The following MACF1 variants were observed in gnomAD, a reference collection of about 807,000 sequenced individuals.
MACF1 encodes microtubule actin crosslinking factor 1, also known as microtubule-actin cross-linking factor 1.
A neutral mutation model predicts 854.8 loss-of-function variants in MACF1; 193 were observed. That is an observed-to-expected ratio of 0.23 (90% CI 0.20 to 0.25). The LOEUF is 0.25. MACF1 is among the 10% of genes least tolerant of loss of function. MACF1 has a pLI of 1.00. For synonymous variants in MACF1, 3,185 were observed against 3,226.7 expected (o/e 0.99, Z 0.44); for missense variants, 7,722 against 8,929.1 (o/e 0.86, Z 5.45).
intron 2 of MACF1, among the ~76,000 whole-genome samples, chr1:39,139,941 T>C (rs1007518851): frequency 3.9e-5 from 4 of 102,898 alleles, no homozygotes; most frequent in African/African-American, 7.5e-5. Flanking sequence ...TAATTAGAAC[T>C]AAATCTTTTT....
In MACF1 at chr1:39,300,237, A is replaced by G; in HGVS notation, c.2509A>G (p.Lys837Glu). Residue 837 changes from lysine (K) to glutamate (E), a missense_variant, in exon 22 of 101, where the codon AAG becomes GAG. Lys to Glu is a moderately conservative substitution (Grantham distance 56, BLOSUM62 1). Coordinates refer to ENST00000564288, the MANE Select transcript of MACF1 (RefSeq NM_001394062.1). ...MDEKEQLIQS[K>E]SSVASLVGRS... ...TGAAAAGGAGCAGCTTATACAGTCC[A>G]AGAGTTCCGTTGCCAGTCTCGTTGG... 1 of 1,613,992 alleles carries G rather than the reference A, an allele frequency of 6.2e-7. No homozygotes were observed. The highest frequency in any genetic ancestry group is 8.5e-7 in the Non-Finnish European group (1 of 1,179,988).
At chr1:39,323,686 TTCTG>T (rs1029742231) in intron 33 of MACF1, among the ~76,000 whole-genome samples, 1 of 152,252 alleles carries the variant, frequency 6.6e-6, no homozygotes, top group Admixed American at 6.5e-5. Context: ...TGTAAAAATC[TTCTG>T]TCTTTGTAAA....
At position 39,277,301 on chromosome 1, in the gene MACF1, T is replaced by C. The variant is rs376198774; in HGVS notation, c.529-4907T>C. Among the ~76,000 whole-genome samples the C allele has an allele frequency of 2.0e-4, 31 of 152,312 alleles. 1 individual carries two copies. The South Asian group carries it at 3.1e-3, about 15-fold the overall frequency. ...AGACAGTATTTTCTAGAAAATTCAC[T>C]AAAAAGATAGCTTTATTGAAGGAAA... On this transcript the variant is annotated intron_variant, in intron 6 of 100. Transcript: ENST00000564288.
intron 70 of MACF1, 149 bp from the exon 71 acceptor site, chr1:39,437,627 AC>A (rs2148660002): frequency 1.4e-6 from 1 of 724,852 alleles, no homozygotes; most frequent in East Asian, 2.8e-5. Flanking sequence ...CAGTTTCTTA[AC>A]CAAACTCAAC....
rs370835278 is a variant in MACF1 at position 39,335,354 on chromosome 1, T to C, written c.8766T>C (p.His2922=). 1.2e-6 allele frequency: 2 copies of C among 1,613,628 alleles called. No homozygotes were observed. The highest frequency in any genetic ancestry group is 2.7e-5 in the African/African-American group (2 of 74,908). ...KAVTKIEIIS[H]MKQSTSCLDS... ...TGACAAAAATAGAAATTATTTCTCA[T>C]ATGAAGCAGTCTACCTCATGTCTAG... Residue 2922 remains histidine, a synonymous_variant, in exon 37 of 101, where the codon CAT becomes CAC. Coordinates refer to ENST00000564288, the MANE Select transcript of MACF1 (RefSeq NM_001394062.1).
intron 1 of MACF1, among the ~76,000 whole-genome samples, chr1:39,218,664 T>C (rs1644609032): frequency 6.6e-6 from 1 of 152,242 alleles, no homozygotes; most frequent in Admixed American, 6.5e-5. Context: ...TTTGTTACCG[T>C]GCTTACCCCT....
At chr1:39,127,268 G>T (rs1213334982) in intron 2 of MACF1, among the ~76,000 whole-genome samples, 1 of 152,198 alleles carries the variant, frequency 6.6e-6, no homozygotes, top group Non-Finnish European at 1.5e-5. Context: ...TCTGCATTTT[G>T]ATTTTTGGCA....
chr1:39,117,039 G>T (rs1237484479), intron 2 of MACF1, among the ~76,000 whole-genome samples: 1 of 152,160 alleles, frequency 6.6e-6, no homozygotes, highest in Non-Finnish European at 1.5e-5. Context: ...GGAAAATGCA[G>T]CCTCCTTCTT....
At position 39,248,250 on chromosome 1, in the gene MACF1, C is replaced by T. The variant is rs76778094; in HGVS notation, c.172-1764C>T. Among the ~76,000 whole-genome samples, 1,012 of 152,222 alleles carry T rather than the reference C, an allele frequency of 6.6e-3. 10 individuals are homozygous for T. Among genetic ancestry groups the T allele is most frequent in the African/African-American group, 0.018 (740 of 41,540 alleles). On this transcript the variant is annotated intron_variant, in intron 2 of 100. Transcript: ENST00000564288. ...TCCCGTTTCTTCGAGGAAGTCTTTA[C>T]GTATGTTTCCATTCTTTATCTTGTC...
At chr1:39,479,772 T>A in intron 97 of MACF1, 26 bp from the exon 98 acceptor site, 1 of 1,581,060 alleles carries the variant, frequency 6.3e-7, no homozygotes, top group Non-Finnish European at 8.7e-7. Flanking sequence ...GAACTGACAT[T>A]GTGTGTGTGT....
rs373353949 is a variant in MACF1, at chr1:39,448,605, G to T, written c.20100G>T (p.Lys6700Asn). 1 of 1,525,992 alleles carries T rather than the reference G, an allele frequency of 6.6e-7. No individual in the cohort carries two copies. The highest frequency in any genetic ancestry group is 2.3e-5 in the East Asian group (1 of 43,284). 94.5% of individuals were successfully genotyped at this position (1,525,992 alleles called of 1,614,324 possible). A position where few individuals can be genotyped will look rare whatever the true frequency, so the allele number is the denominator to read the frequency against. Residue 6700 changes from lysine to asparagine, a missense_variant, in exon 84 of 101, where the codon AAG (lysine) becomes AAT (asparagine). Lys to Asn is a moderately conservative substitution (Grantham distance 94). Transcript: ENST00000564288. ...LQLSKHKEFQ[K>N]TLGGKQPVYD... ...TTCTGGAAACATAGGAGTTTCAGAA[G>T]ACTCTTGGTGGCAAGCAGCCTGTGT...
intron 2 of MACF1, among the ~76,000 whole-genome samples, chr1:39,148,789 T>A (rs772242512): frequency 6.6e-6 from 1 of 152,228 alleles, no homozygotes; most frequent in Non-Finnish European, 1.5e-5. Context: ...AACTGTATTT[T>A]TAAAAAGATA....
intron 6 of MACF1, among the ~76,000 whole-genome samples, chr1:39,260,914 T>C (rs866207954): frequency 5.3e-5 from 8 of 152,158 alleles, no homozygotes; most frequent in Non-Finnish European, 1.2e-4. Context: ...CAGAGATCTG[T>C]AAAATCATAT....
intron 2 of MACF1, among the ~76,000 whole-genome samples, chr1:39,118,300 G>GC (rs965990837): frequency 6.6e-6 from 1 of 152,188 alleles, no homozygotes; most frequent in African/African-American, 2.4e-5. Context: ...AACTGACCTG[G>GC]CCTGAGTCAC....
chr1:39,289,590 G>GT (rs1645726425), intron 15 of MACF1, among the ~76,000 whole-genome samples: 3 of 140,760 alleles, frequency 2.1e-5, no homozygotes, highest in Non-Finnish European at 4.6e-5. Flanking sequence ...TAGATTATTA[G>GT]TTTTTTTCCA....
At chr1:39,403,842 G>T (rs191898500) in intron 58 of MACF1, among the ~76,000 whole-genome samples, 2,774 of 64,932 alleles carry the variant, frequency 0.043, 84 homozygotes, top group African/African-American at 0.31. Flanking sequence ...ATTTTTGGGC[G>T]GGGGGGCCGG....
At chr1:39,277,281 G>A (rs1288416795) in intron 6 of MACF1, among the ~76,000 whole-genome samples, 1 of 151,996 alleles carries the variant, frequency 6.6e-6, no homozygotes, top group East Asian at 1.9e-4. Context: ...AAAGTAGACA[G>A]TATTTTCTAG....
At chr1:39,279,467 A>G (rs1473652795) in intron 6 of MACF1, among the ~76,000 whole-genome samples, 1 of 151,894 alleles carries the variant, frequency 6.6e-6, no homozygotes, top group Non-Finnish European at 1.5e-5. Context: ...GTAAATTCAG[A>G]CACTTGGAGA....
At chr1:39,441,589 G>A (rs545377537) in intron 74 of MACF1, among the ~76,000 whole-genome samples, 31 of 152,276 alleles carry the variant, frequency 2.0e-4, no homozygotes, top group African/African-American at 7.0e-4. Context: ...TGGCCTTACT[G>A]TGAAAGTCAT....
Sources: gnomAD v4.1 joint callset for allele counts (sites outside exome capture counted in the v4.1 genomes callset) on GRCh38, gnomAD v4.1.1 for gene constraint, MANE v1.5 for transcripts, NCBI Gene and HGNC (gene_info 2026-07-23, HGNC 2026-07-21) for gene names.